PRKN: variants seen among roughly 807,000 people sequenced by gnomAD.
PRKN encodes the protein E3 ubiquitin-protein ligase parkin.
A neutral mutation model predicts 59.5 loss-of-function variants in PRKN; 56 were observed. The ratio of observed to expected loss-of-function variants is 0.94; its 90% confidence interval spans 0.76 to 1.18. The LOEUF (loss-of-function observed/expected upper bound fraction) is 1.18, where lower values mean the gene tolerates loss of function less well. Ranked by LOEUF, PRKN falls within the 50% of genes most tolerant of loss-of-function variation. The probability of loss-of-function intolerance (pLI) is 0.00; values close to 1 mark genes in which losing one functional copy is unlikely to be tolerated. For missense variants in PRKN, 657 were observed against 596.4 expected (o/e 1.10, Z -1.06); for synonymous variants, 250 against 222.1 (o/e 1.13, Z -1.12).
chr6:161,468,374 A>T lies in PRKN; in HGVS notation c.1083+80480T>A, dbSNP rs2115184906. Among the ~76,000 whole-genome samples, 1 of 152,244 alleles carries T rather than the reference A, an allele frequency of 6.6e-6. No individual in the cohort carries two copies. The highest frequency in any genetic ancestry group is 2.1e-4 in the South Asian group (1 of 4,826). ...CCAGGTGTAGACAGGAAGAGAGAAG[A>T]GGCAGTGGGTCTGGGAAAATACTCA... is the stretch of plus-strand genomic sequence containing the variant. On this transcript the variant is annotated intron_variant, in intron 9 of 11. Coordinates refer to ENST00000366898, the MANE Select transcript of PRKN (RefSeq NM_004562.3). The surrounding 1 kb of genome is among the most constrained non-coding windows in gnomAD (Gnocchi z 5.9).
chr6:162,467,812 G>A (rs1183981550), intron 1 of PRKN, among the ~76,000 whole-genome samples: 6 of 151,118 alleles, frequency 4.0e-5, no homozygotes, highest in East Asian at 2.0e-4. Context: ...CCCCTGTCAC[G>A]CTCCCGCTAC....
At chr6:162,291,549 C>A (rs1781428597) in intron 2 of PRKN, among the ~76,000 whole-genome samples, 1 of 152,128 alleles carries the variant, frequency 6.6e-6, no homozygotes, top group Non-Finnish European at 1.5e-5. Flanking sequence ...CACAAGGAAA[C>A]ACATGGGACC....
intron 2 of PRKN, among the ~76,000 whole-genome samples, chr6:162,265,420 G>A (rs554208259): frequency 6.6e-6 from 1 of 152,150 alleles, no homozygotes; most frequent in Admixed American, 6.6e-5. Flanking sequence ...GCCAGGCACA[G>A]TAGCTCACCC....
chr6:162,063,788 G>A (rs1778206702), intron 4 of PRKN, among the ~76,000 whole-genome samples: 1 of 152,150 alleles, frequency 6.6e-6, no homozygotes, highest in African/African-American at 2.4e-5. Flanking sequence ...CAAAAGATCC[G>A]CCTGCCTTGG....
At chr6:162,044,209 C>T (rs1784170825) in intron 5 of PRKN, among the ~76,000 whole-genome samples, 1 of 152,218 alleles carries the variant, frequency 6.6e-6, no homozygotes, top group South Asian at 2.1e-4. Flanking sequence ...CTACAGACTT[C>T]GCAACTGCTG....
Position 161,551,079 on chromosome 6 carries a change from T to C in PRKN, c.934-2076A>G, listed in dbSNP as rs1184140231. Among the ~76,000 whole-genome samples, 1 of 152,132 alleles carries C rather than the reference T, an allele frequency of 6.6e-6. No homozygotes were observed. Among genetic ancestry groups the C allele is most frequent in the African/African-American group, 2.4e-5 (1 of 41,426 alleles). ...TGGCAAACAAACTAGAATCTCTGAATTTATGGGGTAAGGTTCTCTGGACAG... is the reference window on the plus strand; with the variant it reads ...TGGCAAACAAACTAGAATCTCTGAACTTATGGGGTAAGGTTCTCTGGACAG... On this transcript the variant is annotated intron_variant, in intron 8 of 11. Transcript: ENST00000366898. The surrounding 1 kb of genome is among the most constrained non-coding windows in gnomAD (Gnocchi z 5.2).
intron 3 of PRKN, among the ~76,000 whole-genome samples, chr6:162,236,117 G>GT (rs1778698857): frequency 6.6e-6 from 1 of 152,124 alleles, no homozygotes; most frequent in African/African-American, 2.4e-5. Flanking sequence ...TGGTAAAAAT[G>GT]TAACTGCTAT....
At chr6:161,627,123 T>C (rs1029646630) in intron 7 of PRKN, among the ~76,000 whole-genome samples, 2 of 152,168 alleles carry the variant, frequency 1.3e-5, no homozygotes, top group Non-Finnish European at 2.9e-5. Flanking sequence ...CAATATGCAT[T>C]TTCTCAAGGC....
At chr6:161,660,407 A>G (rs568569889) in intron 7 of PRKN, among the ~76,000 whole-genome samples, 1 of 152,314 alleles carries the variant, frequency 6.6e-6, no homozygotes, top group East Asian at 1.9e-4. Context: ...CGAAACTTGA[A>G]AGGACAGGCA....
At chr6:161,932,281 A>G (rs1187487511) in intron 6 of PRKN, among the ~76,000 whole-genome samples, 1 of 152,146 alleles carries the variant, frequency 6.6e-6, no homozygotes, top group East Asian at 1.9e-4. Flanking sequence ...AAACAGTTCA[A>G]ATATGCTTCC....
At chr6:162,089,804 T>C (rs983904752) in intron 4 of PRKN, among the ~76,000 whole-genome samples, 1 of 152,212 alleles carries the variant, frequency 6.6e-6, no homozygotes, top group Admixed American at 6.5e-5. Context: ...ATTACATGTT[T>C]CCATTTAAAT....
chr6:161,626,469 T>G (rs1191724527), intron 7 of PRKN, among the ~76,000 whole-genome samples: 2 of 152,188 alleles, frequency 1.3e-5, no homozygotes, highest in Non-Finnish European at 2.9e-5. Context: ...ACACTGATAT[T>G]TTTTCCTTTC....
chr6:162,634,643 T>C (rs961294090), intron 1 of PRKN, among the ~76,000 whole-genome samples: 1 of 152,192 alleles, frequency 6.6e-6, no homozygotes, highest in African/African-American at 2.4e-5. Context: ...TTATTGTTTT[T>C]AAGACGGAGT....
At chr6:162,013,251 C>A (rs1782805006) in intron 5 of PRKN, among the ~76,000 whole-genome samples, 1 of 152,078 alleles carries the variant, frequency 6.6e-6, no homozygotes, top group Non-Finnish European at 1.5e-5. Context: ...GTCATAATAT[C>A]ATTATTTATT....
intron 4 of PRKN, among the ~76,000 whole-genome samples, chr6:162,156,560 A>AC (rs1583119490): frequency 6.6e-6 from 1 of 152,256 alleles, no homozygotes; most frequent in East Asian, 1.9e-4. Context: ...CGGGAGAAAG[A>AC]TGGAGGCCGG....
chr6:162,723,386 T>G (rs1779008593), intron 1 of PRKN, among the ~76,000 whole-genome samples: 1 of 152,218 alleles, frequency 6.6e-6, no homozygotes. Context: ...ATGGGCACTC[T>G]TATACACACT....
At position 161,444,029 on chromosome 6, in the gene PRKN, G is replaced by A. The variant is rs574498337; in HGVS notation, c.1084-57152C>T. ...AGTGTGCACGAACTAACTAGGAGGC[G>A]CCAGGCTTAGGCCTTAGGCAGACAA... is the stretch of plus-strand genomic sequence containing the variant. On this transcript the variant is annotated intron_variant, in intron 9 of 11. Coordinates refer to ENST00000366898, the MANE Select transcript of PRKN (RefSeq NM_004562.3). This position sits in a 1 kb window ranked among gnomAD's most constrained non-coding sequence, Gnocchi z 5.6. Among the ~76,000 whole-genome samples the A allele has an allele frequency of 9.9e-5, 15 of 152,276 alleles. No homozygotes were observed. The highest frequency in any genetic ancestry group is 4.6e-4 in the Admixed American group (7 of 15,308).
chr6:161,376,930 T>G lies in PRKN; in HGVS notation c.1167+9864A>C, dbSNP rs1285135294. ...GCAAACTCTAAAATGGAGTTAGAGC[T>G]GGAATCCCTCCCGCCAGTGGCCAAA... On this transcript the variant is annotated intron_variant, in intron 10 of 11. Coordinates refer to ENST00000366898, the MANE Select transcript of PRKN (RefSeq NM_004562.3). The surrounding 1 kb of genome is among the most constrained non-coding windows in gnomAD (Gnocchi z 7.3). Among the ~76,000 whole-genome samples, 1 of 152,194 alleles carries G rather than the reference T, an allele frequency of 6.6e-6. No homozygotes were observed. Among genetic ancestry groups the G allele is most frequent in the Non-Finnish European group, 1.5e-5 (1 of 68,026 alleles).
At chr6:162,716,703 A>C (rs1233831210) in intron 1 of PRKN, among the ~76,000 whole-genome samples, 3 of 138,406 alleles carry the variant, frequency 2.2e-5, no homozygotes, top group Non-Finnish European at 4.7e-5. Context: ...TACCTTGAAA[A>C]GTGAGTTATG....
Sources: gnomAD v4.1 joint callset for allele counts (sites outside exome capture counted in the v4.1 genomes callset) on GRCh38, gnomAD v4.1.1 for gene constraint, Gnocchi (gnomAD v3.1) non-coding constraint, MANE v1.5 for transcripts, NCBI Gene and HGNC (gene_info 2026-07-23, HGNC 2026-07-21) for gene names.